The following CTTNBP2 variants were observed in gnomAD, a reference collection of about 807,000 sequenced individuals.
The protein encoded by CTTNBP2 is cortactin binding protein 2.
In CTTNBP2, 108 loss-of-function variants were observed where a neutral mutation model predicts 156.9. That is an observed-to-expected ratio of 0.69 (90% CI 0.59 to 0.81). The LOEUF is 0.81. CTTNBP2 is among the 30% of genes least tolerant of loss of function. The pLI is 0.00. For missense variants in CTTNBP2, 1,924 were observed against 2,035.4 expected (o/e 0.95, Z 1.05); for synonymous variants, 767 against 751.8 (o/e 1.02, Z -0.33).
intron 12 of CTTNBP2, among the ~76,000 whole-genome samples, chr7:117,746,390 T>C (rs1008265696): frequency 1.3e-5 from 2 of 152,188 alleles, no homozygotes; most frequent in African/African-American, 4.8e-5. Flanking sequence ...CCAAGTTCAT[T>C]TTGTCCCTTC....
At chr7:117,853,154 G>A (rs1474506332) in intron 2 of CTTNBP2, among the ~76,000 whole-genome samples, 1 of 152,152 alleles carries the variant, frequency 6.6e-6, no homozygotes, top group Non-Finnish European at 1.5e-5. Flanking sequence ...TGCAAAGCAT[G>A]AGCCAAATGG....
At chr7:117,803,299 C>A (rs1799738265) in intron 3 of CTTNBP2, among the ~76,000 whole-genome samples, 1 of 152,070 alleles carries the variant, frequency 6.6e-6, no homozygotes, top group Admixed American at 6.5e-5. Flanking sequence ...GAACAGAAAA[C>A]CAAATACCAC....
intron 2 of CTTNBP2, among the ~76,000 whole-genome samples, chr7:117,831,266 G>A (rs1479749932): frequency 6.6e-6 from 1 of 152,086 alleles, no homozygotes; most frequent in Non-Finnish European, 1.5e-5. Context: ...ATGTCTGTGG[G>A]CTTCATCATG....
intron 8 of CTTNBP2, among the ~76,000 whole-genome samples, chr7:117,777,178 C>G (rs1021934317): frequency 6.6e-6 from 1 of 152,130 alleles, no homozygotes; most frequent in African/African-American, 2.4e-5. Context: ...CTCTAACTAG[C>G]AGCATGGTGT....
intron 4 of CTTNBP2, chr7:117,786,420 T>C: frequency 2.3e-6 from 1 of 432,466 alleles, no homozygotes; most frequent in South Asian, 1.7e-5. Flanking sequence ...TTACCTTTTG[T>C]ATTTTCTTAA....
chr7:117,860,997 C>G (rs567806996), intron 2 of CTTNBP2, among the ~76,000 whole-genome samples: 2 of 152,152 alleles, frequency 1.3e-5, no homozygotes, highest in Non-Finnish European at 2.9e-5. Flanking sequence ...AGTTTCGTCT[C>G]GGCCCCCAGC....
chr7:117,719,224 C>T (rs910448444), intron 21 of CTTNBP2, among the ~76,000 whole-genome samples: 9 of 152,010 alleles, frequency 5.9e-5, no homozygotes, highest in Admixed American at 4.6e-4. Context: ...AGAAAAGCTG[C>T]CCAAATGAAT....
At chr7:117,853,094 C>T (rs1803036899) in intron 2 of CTTNBP2, among the ~76,000 whole-genome samples, 1 of 152,124 alleles carries the variant, frequency 6.6e-6, no homozygotes, top group South Asian at 2.1e-4. Flanking sequence ...CATCTCCATC[C>T]CCTGTTCAAT....
chr7:117,806,744 A>ATT (rs3059529), intron 3 of CTTNBP2, among the ~76,000 whole-genome samples: 38 of 119,220 alleles, frequency 3.2e-4, no homozygotes, highest in Non-Finnish European at 5.7e-4. Context: ...TCTTTTTCTC[A>ATT]TTTTTTTTTT....
Position 117,792,251 on chromosome 7 carries a change from A to G in CTTNBP2, c.945T>C (p.Asn315=). Residue 315 remains asparagine (N), a synonymous_variant, in exon 4 of 23, where the codon AAT becomes AAC. Transcript: ENST00000160373. The surrounding 1 kb of genome is among the most constrained non-coding windows in gnomAD (Gnocchi z 4.2). Reference sequence around the variant, plus strand: ...AAGGCAACTTTTTCATGTGGTCAGCATTTTCTGTCACTAGGTCTGTCTGGC... The same window carrying G: ...AAGGCAACTTTTTCATGTGGTCAGCGTTTTCTGTCACTAGGTCTGTCTGGC... ...VACQTDLVTE[N]ADHMKKLPLT... 2 of 1,614,054 alleles carry G rather than the reference A, an allele frequency of 1.2e-6. No individual in the cohort carries two copies. Among genetic ancestry groups the G allele is most frequent in the Non-Finnish European group, 1.7e-6 (2 of 1,180,026 alleles).
chr7:117,725,665 T>C (rs1326803988), intron 17 of CTTNBP2, among the ~76,000 whole-genome samples: 1 of 152,070 alleles, frequency 6.6e-6, no homozygotes, highest in African/African-American at 2.4e-5. Context: ...ATACATTGTA[T>C]TGTAATATTT....
intron 2 of CTTNBP2, among the ~76,000 whole-genome samples, chr7:117,856,101 C>A (rs2117219364): frequency 6.6e-6 from 1 of 152,318 alleles, no homozygotes; most frequent in Admixed American, 6.5e-5. Flanking sequence ...CCCAAGTCCT[C>A]CCTTCTTCCA....
At chr7:117,718,782 C>T (rs1584885356) in intron 21 of CTTNBP2, among the ~76,000 whole-genome samples, 1 of 152,270 alleles carries the variant, frequency 6.6e-6, no homozygotes, top group Non-Finnish European at 1.5e-5. Context: ...GTTGCTTGGT[C>T]TATAACATAA....
At chr7:117,805,943 G>A (rs1799912068) in intron 3 of CTTNBP2, among the ~76,000 whole-genome samples, 1 of 152,066 alleles carries the variant, frequency 6.6e-6, no homozygotes, top group African/African-American at 2.4e-5. Context: ...TTGATTGTAG[G>A]ACTACACAAA....
chr7:117,782,996 C>T, intron 5 of CTTNBP2, 35 bp from the exon 6 acceptor site: 1 of 1,536,560 alleles, frequency 6.5e-7, no homozygotes, highest in Non-Finnish European at 9.0e-7. Flanking sequence ...GTAAATTCCC[C>T]ATTTGGAGTT....
chr7:117,719,361 T>C (rs1053713213), intron 21 of CTTNBP2, 143 bp downstream of exon 21: 1 of 756,644 alleles, frequency 1.3e-6, no homozygotes. Context: ...AGAAACGGCC[T>C]TTCTAAGCAA....
intron 2 of CTTNBP2, among the ~76,000 whole-genome samples, chr7:117,847,301 T>C (rs1802645522): frequency 6.6e-6 from 1 of 152,178 alleles, no homozygotes; most frequent in Non-Finnish European, 1.5e-5. Context: ...TTTAAGAAGC[T>C]GAGGCTGGCA....
chr7:117,773,184 C>T (rs922165973), intron 8 of CTTNBP2, among the ~76,000 whole-genome samples: 7 of 152,154 alleles, frequency 4.6e-5, no homozygotes, highest in East Asian at 1.9e-4. Flanking sequence ...CAACTCCATG[C>T]GACAACGAAT....
At chr7:117,750,458 T>A (rs983918449) in intron 12 of CTTNBP2, among the ~76,000 whole-genome samples, 2 of 152,188 alleles carry the variant, frequency 1.3e-5, no homozygotes, top group African/African-American at 4.8e-5. Flanking sequence ...CTGAATTAGG[T>A]AGGTAAAGAG....
Sources: gnomAD v4.1 joint callset for allele counts (sites outside exome capture counted in the v4.1 genomes callset) on GRCh38, gnomAD v4.1.1 for gene constraint, Gnocchi (gnomAD v3.1) non-coding constraint, MANE v1.5 for transcripts, NCBI Gene and HGNC (gene_info 2026-07-23, HGNC 2026-07-21) for gene names.